GPC4: variants seen among roughly 807,000 people sequenced by gnomAD.
GPC4 encodes the protein glypican-4.
Under a neutral mutation model 35.0 loss-of-function variants are expected in GPC4, and 10 were observed. That is an observed-to-expected ratio of 0.29 (90% CI 0.18 to 0.48). GPC4 has a LOEUF of 0.48. GPC4 is among the 20% of genes least tolerant of loss of function. GPC4 has a pLI of 0.99. For missense variants in GPC4, 322 were observed against 451.3 expected (o/e 0.71, Z 2.60); for synonymous variants, 167 against 170.2 (o/e 0.98, Z 0.15).
chrX:133,374,363 C>A (rs1347627127), intron 1 of GPC4, among the ~76,000 whole-genome samples: 1 of 110,944 alleles, frequency 9.0e-6, no homozygotes, highest in Non-Finnish European at 1.9e-5. Context: ...AGGGAGAAGC[C>A]CAGTGGGAGG....
chrX:133,347,181 GT>G, intron 1 of GPC4, among the ~76,000 whole-genome samples: 1 of 105,070 alleles, frequency 9.5e-6, no homozygotes, highest in East Asian at 3.0e-4. Context: ...GATACTGGGG[GT>G]GAGATATAGG....
At chrX:133,410,733 A>T in intron 1 of GPC4, among the ~76,000 whole-genome samples, 1 of 112,573 alleles carries the variant, frequency 8.9e-6, no homozygotes, top group African/African-American at 3.2e-5. Context: ...ATAAAAAAGG[A>T]AAACAGTAAT....
rs376636370 is a variant in GPC4, at chrX:133,343,594, T to G, written c.161-4253A>C. Among the ~76,000 whole-genome samples, 21 of 111,891 alleles carry G rather than the reference T, an allele frequency of 1.9e-4. 1 individual carries two copies. Among genetic ancestry groups the G allele is most frequent in the African/African-American group, 5.2e-4 (16 of 30,787 alleles). On this transcript the variant is annotated intron_variant, in intron 1 of 8. Transcript: ENST00000370828. ...GTACATGGCCCTTGATTAGTTTTTT[T>G]CTTTGTGGGTCAGTGGCCCTCAATA...
chrX:133,404,866 A>AAAAAAAAAAAAAAAAAAAG (rs753375530), intron 1 of GPC4, among the ~76,000 whole-genome samples: 2 of 89,269 alleles, frequency 2.2e-5, no homozygotes, highest in African/African-American at 1.0e-4. Context: ...AAAAAAAAAA[A>AAAAAAAAAAAAAAAAAAAG]AAGGTGCAGA....
intron 3 of GPC4, 154 bp from the exon 4 acceptor site, chrX:133,311,577 T>C (rs761913825): frequency 3.6e-5 from 19 of 530,044 alleles, no homozygotes; most frequent in African/African-American, 4.6e-5. Flanking sequence ...CCTGAAGACA[T>C]AGATTAGATA....
intron 1 of GPC4, 110 bp downstream of exon 1, chrX:133,414,696 C>G: frequency 8.6e-7 from 1 of 1,165,577 alleles, no homozygotes; most frequent in Non-Finnish European, 1.1e-6. Flanking sequence ...ATTTCTCCCT[C>G]TAGTGTACCT....
At chrX:133,364,885 T>C (rs1319059118) in intron 1 of GPC4, among the ~76,000 whole-genome samples, 2 of 112,182 alleles carry the variant, frequency 1.8e-5, no homozygotes, top group Admixed American at 9.5e-5. Context: ...TGTTTCATTC[T>C]ATATCAAGAT....
intron 1 of GPC4, among the ~76,000 whole-genome samples, chrX:133,380,038 C>A (rs1385421529): frequency 9.0e-6 from 1 of 110,683 alleles, no homozygotes; most frequent in Non-Finnish European, 1.9e-5. Flanking sequence ...GCAGTGGAGT[C>A]TTATACATGT....
chrX:133,331,129 C>T (rs745861593), intron 2 of GPC4, among the ~76,000 whole-genome samples: 3 of 111,870 alleles, frequency 2.7e-5, no homozygotes, highest in Non-Finnish European at 3.8e-5. Flanking sequence ...ATTTTGAATG[C>T]TAAGGCTCCA....
At chrX:133,381,924 A>G (rs2124167054) in intron 1 of GPC4, among the ~76,000 whole-genome samples, 1 of 111,851 alleles carries the variant, frequency 8.9e-6, no homozygotes, top group South Asian at 3.8e-4. Flanking sequence ...GATCAGTCTC[A>G]CTTTTTACAC....
At chrX:133,405,450 A>C (rs975828406) in intron 1 of GPC4, among the ~76,000 whole-genome samples, 5 of 112,227 alleles carry the variant, frequency 4.5e-5, no homozygotes, top group Admixed American at 9.5e-5. Context: ...AATCAGAATA[A>C]GCCAAACACC....
At chrX:133,382,405 G>T (rs1176804420) in intron 1 of GPC4, among the ~76,000 whole-genome samples, 1 of 77,080 alleles carries the variant, frequency 1.3e-5, no homozygotes, top group Non-Finnish European at 2.3e-5. Context: ...CAGCCTGTGT[G>T]ACAGAGGAGA....
Position 133,305,899 on chromosome X carries a change from G to A in GPC4, c.1028C>T (p.Pro343Leu), listed in dbSNP as rs1256774659. 1.4e-5 allele frequency: 17 copies of A among 1,209,159 alleles called. No homozygotes were observed. Among genetic ancestry groups the A allele is most frequent in the East Asian group, 3.0e-5 (1 of 33,734 alleles). The stretch of plus-strand genomic sequence containing the variant: ...TCGTCCAGCTGGGAGGGGCTTGGGG[G>A]GTCCACATCCCTGGAAAACCTGCAT... ...VSQKVFQGCG[P>L]PKPLPAGRIS... The change falls in exon 6 of 9, where the codon CCC becomes CTC. Residue 343 changes from proline to leucine, a missense_variant. Coordinates refer to ENST00000370828, the MANE Select transcript of GPC4 (RefSeq NM_001448.3).
chrX:133,390,954 T>C (rs764012629), intron 1 of GPC4, among the ~76,000 whole-genome samples: 1 of 111,812 alleles, frequency 8.9e-6, no homozygotes, highest in South Asian at 3.8e-4. Flanking sequence ...TATGTGCTCA[T>C]GTTATAGCTG....
chrX:133,411,977 C>T (rs917756933), intron 1 of GPC4, among the ~76,000 whole-genome samples: 1 of 111,341 alleles, frequency 9.0e-6, no homozygotes, highest in Admixed American at 9.6e-5. Context: ...ATTCTTAAAG[C>T]CTGTTCAAAC....
intron 1 of GPC4, among the ~76,000 whole-genome samples, chrX:133,355,967 G>A (rs1483264580): frequency 8.9e-6 from 1 of 111,876 alleles, no homozygotes; most frequent in East Asian, 2.8e-4. Context: ...AGCCATGCTT[G>A]TACAAACTGC....
chrX:133,303,247 G>A lies in GPC4; in HGVS notation c.1387C>T (p.Arg463Cys), dbSNP rs1230834080. Residue 463 changes from arginine (R) to cysteine (C), a missense_variant, in exon 8 of 9, where the codon CGT (arginine) becomes TGT (cysteine). Arg to Cys is a radical substitution (Grantham distance 180). This residue lies in a region of GPC4 where 99 missense variants were observed against 110.0 expected (regional missense o/e 0.90). Coordinates refer to ENST00000370828, the MANE Select transcript of GPC4 (RefSeq NM_001448.3). ...DTSKPDILIL[R>C]QIMALRVMTS... is the part of the protein sequence containing the mutation. ...ATCACTCGAAGAGCCATGATTTGACGAAGGATCAGTATGTCTGGTTTGCTG... is the reference window on the plus strand; with the variant it reads ...ATCACTCGAAGAGCCATGATTTGACAAAGGATCAGTATGTCTGGTTTGCTG... 1.4e-5 allele frequency: 17 copies of A among 1,211,105 alleles called. No individual in the cohort carries two copies. The highest frequency in any genetic ancestry group is 1.9e-5 in the Non-Finnish European group (17 of 895,003).
chrX:133,361,850 G>A (rs2068570025), intron 1 of GPC4, among the ~76,000 whole-genome samples: 1 of 111,621 alleles, frequency 9.0e-6, no homozygotes, highest in African/African-American at 3.3e-5. Context: ...AGAATGAGGA[G>A]GCAGGATTCT....
intron 1 of GPC4, among the ~76,000 whole-genome samples, chrX:133,345,770 T>C (rs1221527964): frequency 8.9e-6 from 1 of 112,255 alleles, no homozygotes; most frequent in Non-Finnish European, 1.9e-5. Flanking sequence ...TTGCAAATCA[T>C]TCTTTGCTCA....
Sources: allele counts gnomAD v4.1 joint callset (sites outside exome capture counted in the v4.1 genomes callset), GRCh38; gene constraint gnomAD v4.1.1; regional missense constraint gnomAD v4.1.1; transcripts MANE v1.5; gene names NCBI Gene and HGNC (gene_info 2026-07-23, HGNC 2026-07-21).